Variants in CA6 observed in about 807,000 individuals in gnomAD.
CA6 encodes carbonate dehydratase VI.
A neutral mutation model predicts 35.9 loss-of-function variants in CA6; 28 were observed. The observed-to-expected ratio is 0.78, with a 90% CI of 0.58 to 1.07. The LOEUF (loss-of-function observed/expected upper bound fraction) is 1.07. Ranked by LOEUF, CA6 falls within the 50% of genes least tolerant of loss-of-function variation. The pLI, the probability that CA6 is intolerant of heterozygous loss-of-function variation, is 0.00. For synonymous variants in CA6, 148 were observed against 152.6 expected (o/e 0.97, Z 0.22); for missense variants, 377 against 382.0 (o/e 0.99, Z 0.11).
intron 2 of CA6, chr1:8,951,826 A>AT (rs34846629): frequency 0.44 from 120,010 of 272,514 alleles, 22,297 homozygotes; most frequent in African/African-American, 0.51. Flanking sequence ...ATTAAAAACA[A>AT]TTTTTTTTTT....
intron 4 of CA6, among the ~76,000 whole-genome samples, chr1:8,959,957 C>T (rs993532361): frequency 7.3e-5 from 7 of 95,480 alleles, no homozygotes; most frequent in African/African-American, 2.2e-4. Flanking sequence ...AAAAGCTGGG[C>T]GCGATGGCTC....
At chr1:8,967,957 G>C in intron 6 of CA6, 141 bp downstream of exon 6, 26 of 467,968 alleles carry the variant, frequency 5.6e-5, no homozygotes, top group Non-Finnish European at 8.6e-5. Context: ...GCCTCGTCTA[G>C]CCAACCTTTT....
chr1:8,946,046 T>A, intron 1 of CA6, 81 bp downstream of exon 1: 1 of 558,380 alleles, frequency 1.8e-6, no homozygotes, highest in African/African-American at 2.2e-5. Context: ...CTTCTTCTTT[T>A]TTTTTTTTTT....
chr1:8,946,720 A>G (rs1454959610), intron 1 of CA6, among the ~76,000 whole-genome samples: 1 of 151,244 alleles, frequency 6.6e-6, no homozygotes, highest in Non-Finnish European at 1.5e-5. Context: ...ATTTCATGGT[A>G]GGCAGTTTAC....
chr1:8,973,174 C>G (rs917293977), intron 7 of CA6, among the ~76,000 whole-genome samples: 1 of 152,146 alleles, frequency 6.6e-6, no homozygotes, highest in Non-Finnish European at 1.5e-5. Flanking sequence ...CACGCGCCCC[C>G]ACGCCAGGCT....
At chr1:8,947,197 T>C (rs562590007) in intron 1 of CA6, among the ~76,000 whole-genome samples, 18 of 152,212 alleles carry the variant, frequency 1.2e-4, no homozygotes, top group South Asian at 6.2e-4. Context: ...GCCGTGTCTG[T>C]GGACTTTGTG....
chr1:8,969,306 C>G (rs1640049795), intron 6 of CA6, among the ~76,000 whole-genome samples: 1 of 152,086 alleles, frequency 6.6e-6, no homozygotes, highest in Admixed American at 6.6e-5. Flanking sequence ...CAGGGCAAGA[C>G]TCCATCTCAA....
intron 1 of CA6, among the ~76,000 whole-genome samples, chr1:8,946,690 C>T (rs1276161638): frequency 1.3e-5 from 2 of 151,762 alleles, no homozygotes; most frequent in Non-Finnish European, 2.9e-5. Flanking sequence ...GTGGGGTTTG[C>T]GAGACCTTCT....
intron 2 of CA6, among the ~76,000 whole-genome samples, chr1:8,955,666 C>T (rs1417268308): frequency 9.6e-6 from 1 of 103,706 alleles, no homozygotes; most frequent in Non-Finnish European, 2.0e-5. Flanking sequence ...GCCCTTCCGT[C>T]CTTTTCTTGC....
chr1:8,957,785 C>CAAAAAAA (rs869085886), intron 3 of CA6, among the ~76,000 whole-genome samples: 1 of 79,314 alleles, frequency 1.3e-5, no homozygotes, highest in African/African-American at 4.3e-5. Context: ...CTTGTGTCTA[C>CAAAAAAA]AAAAAAAAAA....
chr1:8,957,791 A>G (rs986719065), intron 3 of CA6, among the ~76,000 whole-genome samples: 4 of 151,466 alleles, frequency 2.6e-5, no homozygotes, highest in African/African-American at 4.8e-5. Context: ...TCTACAAAAA[A>G]AAAAAAAAAA....
chr1:8,973,776 CTTTCTTTCTTT>C lies in CA6; in HGVS notation c.845-844_845-834del, dbSNP rs1348345157. ...TCTTTCTTTCTTTCTTTCTTTCTTT[CTTTCTTTCTTT>C]TCCCTCCCTCCCTCTCTCTCTCTCT... On this transcript the variant is annotated intron_variant, in intron 7 of 7. Transcript: ENST00000377443. Among the ~76,000 whole-genome samples, 69 of 17,238 alleles carry C rather than the reference CTTTCTTTCTTT, an allele frequency of 4.0e-3. 4 individuals are homozygous for C. The highest frequency in any genetic ancestry group is 0.042 in the East Asian group (1 of 24). The allele number at this position is 17,238 out of a possible 152,430, so 11.3% of individuals were successfully genotyped here.
In CA6 at chr1:8,945,931, C is replaced by T; in HGVS notation, c.45C>T (p.Gly15=). The change falls in exon 1 of 8, where the codon GGC becomes GGT. Residue 15 remains glycine (G), a synonymous_variant. Transcript: ENST00000377443. ...VLLLSLFLLG[G]QAQHVSDWTY... is the part of the protein sequence containing the mutation. ...TGCTGTCCCTGTTCCTGCTGGGTGG[C>T]CAGGCCCAGCATGTGTCTGACTGGA... The T allele has an allele frequency of 6.2e-7, 1 of 1,613,486 alleles. No individual in the cohort carries two copies. Among genetic ancestry groups the T allele is most frequent in the Admixed American group, 1.7e-5 (1 of 60,006 alleles).
At chr1:8,968,234 G>C (rs1297007965) in intron 6 of CA6, among the ~76,000 whole-genome samples, 1 of 151,960 alleles carries the variant, frequency 6.6e-6, no homozygotes, top group Non-Finnish European at 1.5e-5. Flanking sequence ...CCAAAGTGCT[G>C]GGATTACAGG....
chr1:8,949,155 C>T (rs2274326), intron 1 of CA6, 108 bp from the exon 2 acceptor site: 283,900 of 783,466 alleles, frequency 0.36, 54,474 homozygotes, highest in Middle Eastern at 0.41. Flanking sequence ...AAGGTGCCTC[C>T]GTGGGTCCCC....
chr1:8,969,409 A>G lies in CA6; in HGVS notation c.730-1458A>G, dbSNP rs148657663. On this transcript the variant is annotated intron_variant, in intron 6 of 7. Coordinates refer to ENST00000377443, the MANE Select transcript of CA6 (RefSeq NM_001215.4). ...TAAATTGGAGACAGCCAATAACATT[A>G]TCTAGAATGCAGCACAGAGAAAAGG... is the stretch of plus-strand genomic sequence containing the variant. Among the ~76,000 whole-genome samples the G allele has an allele frequency of 3.2e-3, 487 of 152,162 alleles. 6 individuals carry two copies. The highest frequency in any genetic ancestry group is 0.011 in the African/African-American group (465 of 41,532).
rs540639296 is a variant in CA6 at position 8,951,773 on chromosome 1, C to T, written c.259+2331C>T. ...GTTCTCACCTCACACGACAGCATGT[C>T]GGACATTAGAGTGGACCCAAAGTTC... is the stretch of plus-strand genomic sequence containing the variant. On this transcript the variant is annotated intron_variant, in intron 2 of 7. Coordinates refer to ENST00000377443, the MANE Select transcript of CA6 (RefSeq NM_001215.4). The T allele has an allele frequency of 1.6e-5, 11 of 681,860 alleles. 1 individual carries two copies. Among genetic ancestry groups the T allele is most frequent in the African/African-American group, 8.9e-5 (5 of 56,112 alleles). 42.2% of individuals were successfully genotyped at this position (681,860 alleles called of 1,614,324 possible). A position where few individuals can be genotyped will look rare whatever the true frequency, so the allele number is the denominator to read the frequency against.
Position 8,951,453 on chromosome 1 carries a change from T to C in CA6, c.259+2011T>C, listed in dbSNP as rs759177564. On this transcript the variant is annotated intron_variant, in intron 2 of 7. Coordinates refer to ENST00000377443, the MANE Select transcript of CA6 (RefSeq NM_001215.4). ...CAGGCGGAACTCTTCCTCCCCTCCT[T>C]GTCCTCTCCTTGTGGAGAAGGGGCG... 2.1e-5 allele frequency: 16 copies of C among 764,816 alleles called. 1 individual carries two copies. Among genetic ancestry groups the C allele is most frequent in the Non-Finnish European group, 3.4e-5 (14 of 417,794 alleles). The allele number at this position is 764,816 out of a possible 1,614,324, so 47.4% of individuals were successfully genotyped here.
At chr1:8,971,047 G>A (rs1640097771) in intron 7 of CA6, 66 bp downstream of exon 7, 1 of 1,042,308 alleles carries the variant, frequency 9.6e-7, no homozygotes. Context: ...TCCTCTAGGT[G>A]GACCCATCTC....
Sources: gnomAD v4.1 joint callset for allele counts (sites outside exome capture counted in the v4.1 genomes callset) on GRCh38, gnomAD v4.1.1 for gene constraint, MANE v1.5 for transcripts, NCBI Gene and HGNC (gene_info 2026-07-23, HGNC 2026-07-21) for gene names.